Variants in USP34 observed in about 807,000 individuals in gnomAD.
The protein encoded by USP34 is ubiquitin carboxyl-terminal hydrolase 34.
Under a neutral mutation model 460.3 loss-of-function variants are expected in USP34, and 70 were observed. That is an observed-to-expected ratio of 0.15 (90% CI 0.13 to 0.19). The LOEUF is 0.19. Among genes scored for constraint, USP34 ranks in the 10% least tolerant of loss-of-function variants. The pLI is 1.00. For missense variants in USP34, 3,985 were observed against 4,236.2 expected, an observed-to-expected ratio of 0.94 and a Z score of 1.65; for synonymous variants, 1,647 against 1,405.3, an observed-to-expected ratio of 1.17 and a Z score of -3.85.
intron 20 of USP34, among the ~76,000 whole-genome samples, chr2:61,328,548 G>GT (rs1213505336): frequency 6.6e-6 from 1 of 152,078 alleles, no homozygotes; most frequent in East Asian, 1.9e-4. Flanking sequence ...TATCAAAATA[G>GT]TCCAGACAAC....
chr2:61,461,401 T>TA (rs938901947), intron 1 of USP34, among the ~76,000 whole-genome samples: 271 of 122,450 alleles, frequency 2.2e-3, no homozygotes, highest in Non-Finnish European at 2.9e-3. Context: ...CTCAAAAAAA[T>TA]AAAAAAAAAA....
chr2:61,217,810 C>A lies in USP34; in HGVS notation c.8047+2500G>T, dbSNP rs766330938. Among the ~76,000 whole-genome samples, 8 of 151,962 alleles carry A rather than the reference C, an allele frequency of 5.3e-5. No individual in the cohort carries two copies. In the East Asian group the frequency reaches 1.2e-3, roughly 22 times the overall value. The stretch of plus-strand genomic sequence containing the variant: ...TCTACTAAAAATACAAAAAAATTAG[C>A]CAGGCATGGTGGTGGGTGCCTGTAA... On this transcript the variant is annotated intron_variant, in intron 67 of 79. Transcript: ENST00000398571.
intron 33 of USP34, among the ~76,000 whole-genome samples, chr2:61,289,448 A>G (rs1689783533): frequency 1.3e-5 from 2 of 152,188 alleles, no homozygotes; most frequent in Middle Eastern, 3.4e-3. Context: ...TAAAAAATAA[A>G]ATTTACAGCT....
At chr2:61,338,566 A>G (rs183969975) in intron 18 of USP34, among the ~76,000 whole-genome samples, 1 of 152,360 alleles carries the variant, frequency 6.6e-6, no homozygotes, top group East Asian at 1.9e-4. Flanking sequence ...CACAGATGTG[A>G]GCAGAAAACA....
At chr2:61,384,909 G>T (rs1465465532) in intron 5 of USP34, among the ~76,000 whole-genome samples, 3 of 151,832 alleles carry the variant, frequency 2.0e-5, no homozygotes, top group Non-Finnish European at 4.4e-5. Context: ...CAAAGGACTA[G>T]AAAGAAGAAT....
In USP34 at chr2:61,348,227, C is replaced by T. The variant is rs770690878; in HGVS notation, c.1928G>A (p.Arg643Gln). Residue 643 changes from arginine to glutamine, a missense_variant, in exon 15 of 80, where the codon CGG (arginine) becomes CAG (glutamine). Arg to Gln is a conservative substitution (Grantham distance 43). Coordinates refer to ENST00000398571, the MANE Select transcript of USP34 (RefSeq NM_014709.4). ...TGCTTGACTCTCTAACTTTCTATTC[C>T]GAAGATCTGTACCACAACTGCTTTT... ...PPKSSCGTDLRNRKLESQAGI... is the reference protein window; with the variant it reads ...PPKSSCGTDLQNRKLESQAGI... The T allele has an allele frequency of 1.2e-5, 19 of 1,614,034 alleles. No homozygotes were observed. The highest frequency in any genetic ancestry group is 1.1e-4 in the East Asian group (5 of 44,902).
Position 61,377,721 on chromosome 2 carries a change from A to C in USP34, c.1076+642T>G, listed in dbSNP as rs2694644. 5.9e-5 allele frequency among the ~76,000 whole-genome samples: 9 copies of C among 152,108 alleles called. No homozygotes were observed. In the South Asian group the frequency reaches 1.9e-3, roughly 32 times the overall value. On this transcript the variant is annotated intron_variant, in intron 8 of 79. Transcript: ENST00000398571. ...TATGGGAAATAAATTTCTGTTGTTTATAAGTCATCCAATCTACAGTACTTT... is the reference window on the plus strand; with the variant it reads ...TATGGGAAATAAATTTCTGTTGTTTCTAAGTCATCCAATCTACAGTACTTT...
chr2:61,441,576 G>A (rs545804672), intron 1 of USP34, among the ~76,000 whole-genome samples: 19 of 152,018 alleles, frequency 1.2e-4, no homozygotes, highest in South Asian at 2.1e-4. Context: ...CTTCTGCTCG[G>A]CCACTCGGCT....
At chr2:61,378,924 A>AC (rs1692882538) in intron 7 of USP34, among the ~76,000 whole-genome samples, 2 of 148,238 alleles carry the variant, frequency 1.3e-5, no homozygotes, top group South Asian at 2.1e-4. Context: ...AAAAAAAAAA[A>AC]AAAAAAAAAA....
intron 67 of USP34, among the ~76,000 whole-genome samples, chr2:61,219,211 C>T (rs1687488475): frequency 6.6e-6 from 1 of 152,158 alleles, no homozygotes; most frequent in African/African-American, 2.4e-5. Context: ...TTCAGGTTAG[C>T]TCTGTGTTTC....
At chr2:61,253,416 T>A (rs998651439) in intron 48 of USP34, among the ~76,000 whole-genome samples, 3 of 152,198 alleles carry the variant, frequency 2.0e-5, no homozygotes, top group Non-Finnish European at 4.4e-5. Flanking sequence ...TTTATATACG[T>A]CCCTAACTCT....
chr2:61,214,227 C>T lies in USP34; in HGVS notation c.8515G>A (p.Asp2839Asn). Residue 2839 changes from aspartate to asparagine, a missense_variant, in exon 68 of 80, where the codon GAT becomes AAT. This residue lies in a region of USP34 where 66 missense variants were observed against 121.2 expected (regional missense o/e 0.54). Coordinates refer to ENST00000398571, the MANE Select transcript of USP34 (RefSeq NM_014709.4). ...TTAAAAAGCACCACATCCTGATCATCATGGTCAGCAAGGATGTAATTGAAG... is the reference window on the plus strand; with the variant it reads ...TTAAAAAGCACCACATCCTGATCATTATGGTCAGCAAGGATGTAATTGAAG... ...IAFNYILADHDDQDVVLFNRG... is the reference protein window; with the variant it reads ...IAFNYILADHNDQDVVLFNRG... The T allele has an allele frequency of 6.2e-7, 1 of 1,614,196 alleles. No homozygotes were observed. Among genetic ancestry groups the T allele is most frequent in the Non-Finnish European group, 8.5e-7 (1 of 1,180,032 alleles).
chr2:61,360,497 A>G (rs928593012), intron 10 of USP34, among the ~76,000 whole-genome samples: 4 of 152,246 alleles, frequency 2.6e-5, no homozygotes, highest in African/African-American at 7.2e-5. Context: ...CAAAGAAGTA[A>G]AAGACTTGTA....
intron 5 of USP34, 117 bp downstream of exon 5, chr2:61,394,736 A>T (rs1285508725): frequency 4.3e-6 from 3 of 695,308 alleles, no homozygotes; most frequent in African/African-American, 1.9e-5. Flanking sequence ...TTGTCAAAAT[A>T]AAAAAAAATT....
intron 3 of USP34, among the ~76,000 whole-genome samples, chr2:61,400,447 C>G (rs1336945920): frequency 1.3e-5 from 2 of 152,120 alleles, no homozygotes; most frequent in African/African-American, 4.8e-5. Context: ...GAAAATGCTG[C>G]TCCATGATCA....
In USP34 at chr2:61,236,081, A is replaced by G. The variant is rs759289045; in HGVS notation, c.6919-8T>C. ...GACAAAGGAAGTGCTTAACTGTAAGAAAAGATAAAGCAAAAAAGCTTCAAT... is the reference window on the plus strand; with the variant it reads ...GACAAAGGAAGTGCTTAACTGTAAGGAAAGATAAAGCAAAAAAGCTTCAAT... On this transcript the variant is annotated splice_polypyrimidine_tract_variant and splice_region_variant and intron_variant, in intron 55 of 79. Coordinates refer to ENST00000398571, the MANE Select transcript of USP34 (RefSeq NM_014709.4). 3.1e-6 allele frequency: 5 copies of G among 1,602,020 alleles called. No homozygotes were observed. The East Asian group carries it at 1.1e-4, about 36-fold the overall frequency.
intron 58 of USP34, among the ~76,000 whole-genome samples, chr2:61,230,569 C>A (rs1274018634): frequency 6.6e-6 from 1 of 151,658 alleles, no homozygotes; most frequent in Non-Finnish European, 1.5e-5. Context: ...ACCAGTTTAC[C>A]GCTGGTGCAG....
At chr2:61,318,118 G>A (rs1690805690) in intron 22 of USP34, among the ~76,000 whole-genome samples, 1 of 150,952 alleles carries the variant, frequency 6.6e-6, no homozygotes, top group African/African-American at 2.4e-5. Context: ...GCTTGAGCCT[G>A]GGAGGTCAAG....
intron 57 of USP34, among the ~76,000 whole-genome samples, chr2:61,234,685 G>C (rs1455506956): frequency 6.6e-6 from 1 of 152,166 alleles, no homozygotes; most frequent in Non-Finnish European, 1.5e-5. Flanking sequence ...CTGTCGCCCA[G>C]GCTGGAGTGC....
Sources: allele counts gnomAD v4.1 joint callset (sites outside exome capture counted in the v4.1 genomes callset), GRCh38; gene constraint gnomAD v4.1.1; regional missense constraint gnomAD v4.1.1; transcripts MANE v1.5; gene names NCBI Gene and HGNC (gene_info 2026-07-23, HGNC 2026-07-21).